SCNN1D: variants seen among roughly 807,000 people sequenced by gnomAD.
SCNN1D encodes the protein sodium channel epithelial 1 subunit delta, also known as epithelial sodium channel subunit delta.
In SCNN1D, 104 loss-of-function variants were observed where a neutral mutation model predicts 87.8. The observed-to-expected ratio is 1.18, with a 90% confidence interval of 1.01 to 1.39. The LOEUF is 1.39. SCNN1D is among the 40% of genes most tolerant of loss of function. SCNN1D has a pLI of 0.00. For synonymous variants in SCNN1D, 628 were observed against 481.2 expected (o/e 1.31, Z -3.99); for missense variants, 1,324 against 1,093.9 (o/e 1.21, Z -2.97).
chr1:1,290,232 G>A (rs1570866), intron 12 of SCNN1D, 39 bp from the exon 13 acceptor site: 70,145 of 1,205,490 alleles, frequency 0.058, 7,019 homozygotes, highest in African/African-American at 0.17. Flanking sequence ...CCATGTCTCC[G>A]CTCCATCCCA....
intron 6 of SCNN1D, 62 bp from the exon 7 acceptor site, chr1:1,285,864 C>T: frequency 2.1e-6 from 3 of 1,458,382 alleles, no homozygotes; most frequent in Non-Finnish European, 2.8e-6. Context: ...ACATGACAGG[C>T]CCAGGGTAGG....
In SCNN1D at chr1:1,291,861, C is replaced by A; in HGVS notation, c.*251C>A. 2.4e-6 allele frequency: 1 copy of A among 421,188 alleles called. No homozygotes were observed. The highest frequency in any genetic ancestry group is 4.0e-5 in the Admixed American group (1 of 25,274). The allele number at this position is 421,188 out of a possible 1,614,324, so 26.1% of individuals were successfully genotyped here. A position where few individuals can be genotyped will look rare whatever the true frequency, so the allele number is the denominator to read the frequency against. On this transcript the variant is annotated 3_prime_UTR_variant, in exon 18 of 18. Coordinates refer to ENST00000379116, the MANE Select transcript of SCNN1D (RefSeq NM_001130413.4). ...ACGAGTGCGGCTGGACGTGCCGACA[C>A]GCGGTGATGTACCCATGCTCCGTGT... is the stretch of plus-strand genomic sequence containing the variant.
intron 4 of SCNN1D, among the ~76,000 whole-genome samples, chr1:1,282,899 C>T (rs1050888190): frequency 2.0e-5 from 3 of 152,100 alleles, no homozygotes; most frequent in African/African-American, 7.2e-5. Flanking sequence ...ACTACAGGTG[C>T]CTGCCACCGC....
At chr1:1,280,854 C>G in intron 1 of SCNN1D, 188 bp downstream of exon 1, 1 of 594,130 alleles carries the variant, frequency 1.7e-6, no homozygotes. Flanking sequence ...CGGCCAGACC[C>G]CAAGCTCCAC....
chr1:1,286,531 G>T (rs1640595602), intron 7 of SCNN1D, among the ~76,000 whole-genome samples: 1 of 152,142 alleles, frequency 6.6e-6, no homozygotes, highest in Non-Finnish European at 1.5e-5. Flanking sequence ...GGGAGGAGAG[G>T]TGGGGGTGGG....
In SCNN1D at chr1:1,281,593, TACAG is replaced by T; in HGVS notation, c.261_264del (p.Ile87MetfsTer48). 2 of 1,535,640 alleles carry T rather than the reference TACAG, an allele frequency of 1.3e-6. No individual in the cohort carries two copies. Among genetic ancestry groups the T allele is most frequent in the Non-Finnish European group, 1.7e-6 (2 of 1,146,706 alleles). On this transcript the variant is annotated frameshift_variant, in exon 3 of 18. Transcript: ENST00000379116. LOFTEE classifies it high-confidence loss of function. Reference sequence around the variant, plus strand: ...CCCCTCTGCCTACTCTCTGGCCCGATACAGGGGTGTGGGACAGGTGACTGAACCT... The same window carrying T: ...CCCCTCTGCCTACTCTCTGGCCCGATGGGTGTGGGACAGGTGACTGAACCT...
intron 12 of SCNN1D, among the ~76,000 whole-genome samples, chr1:1,288,519 C>CT (rs2100337674): frequency 1.1e-5 from 1 of 94,142 alleles, no homozygotes; most frequent in African/African-American, 5.3e-5. Flanking sequence ...CGTCCCGTGT[C>CT]CCTGCTCCGT....
In SCNN1D at chr1:1,286,281, G is replaced by A; in HGVS notation, c.911+3G>A. 1 of 1,573,564 alleles carries A rather than the reference G, an allele frequency of 6.4e-7. No homozygotes were observed. Among genetic ancestry groups the A allele is most frequent in the South Asian group, 1.1e-5 (1 of 88,122 alleles). On this transcript the variant is annotated splice_donor_region_variant and intron_variant, in intron 7 of 17. Transcript: ENST00000379116. ...CTGTGTGACGGGAACCCACGTCGGT[G>A]AGGGCCAGGGCTGTCGGCGGGAGGG...
At chr1:1,288,209 C>CTCTGCCCCGTCCCGTG (rs1557584086) in intron 12 of SCNN1D, among the ~76,000 whole-genome samples, 172 bp downstream of exon 12, 5 of 146,474 alleles carry the variant, frequency 3.4e-5, no homozygotes, top group African/African-American at 1.0e-4. Context: ...TTCCCTGTGT[C>CTCTGCCCCGTCCCGTG]TCTGCTCCGT....
At position 1,284,003 on chromosome 1, in the gene SCNN1D, A is replaced by C. The variant is rs1424604891; in HGVS notation, c.377A>C (p.Gln126Pro). The C allele has an allele frequency of 1.4e-6, 2 of 1,442,050 alleles. No individual in the cohort carries two copies. The highest frequency in any genetic ancestry group is 2.9e-5 in the South Asian group (2 of 68,526). 89.3% of individuals were successfully genotyped at this position (1,442,050 alleles called of 1,614,324 possible). A position where few individuals can be genotyped will look rare whatever the true frequency, so the allele number is the denominator to read the frequency against. ...GAGGCCAGAGGCTCCATCCTGCTTC[A>C]GAGCTGCCAGCTGCCCCCGCAATGG... ...RQEARGSILL[Q>P]SCQLPPQWLS... The change falls in exon 5 of 18, where the codon CAG becomes CCG. Residue 126 changes from glutamine to proline, a missense_variant. By Grantham distance (76) the Gln-to-Pro change is moderately conservative. Transcript: ENST00000379116.
In SCNN1D at chr1:1,291,510, G is replaced by C. The variant is rs769718492; in HGVS notation, c.2309G>C (p.Gly770Ala). The change falls in exon 18 of 18, where the codon GGG becomes GCG. Residue 770 changes from glycine (G) to alanine (A), a missense_variant. Transcript: ENST00000379116. ...GGTSDDPEPS[G>A]PHLPRVMLPG... is the part of the protein sequence containing the mutation. ...ACGTCAGATGACCCGGAGCCCAGCG[G>C]GCCTCATCTCCCACGGGTGATGCTT... 14 of 1,608,532 alleles carry C rather than the reference G, an allele frequency of 8.7e-6. No homozygotes were observed. In the East Asian group the frequency reaches 2.9e-4, roughly 33 times the overall value.
chr1:1,287,450 C>A, intron 9 of SCNN1D, 58 bp from the exon 10 acceptor site: 1 of 1,493,008 alleles, frequency 6.7e-7, no homozygotes, highest in Non-Finnish European at 9.0e-7. Flanking sequence ...CCCCTCAGGC[C>A]AGCGTGACGG....
chr1:1,281,498 G>T lies in SCNN1D; in HGVS notation c.165G>T (p.Ala55=), dbSNP rs998792456. The T allele has an allele frequency of 6.5e-7, 1 of 1,532,422 alleles. No individual in the cohort carries two copies. Among genetic ancestry groups the T allele is most frequent in the East Asian group, 2.4e-5 (1 of 40,908 alleles). The allele number at this position is 1,532,422 out of a possible 1,614,324, so 94.9% of individuals were successfully genotyped here. The change falls in exon 3 of 18, where the codon GCG becomes GCT. Residue 55 remains alanine (A), a synonymous_variant. Transcript: ENST00000379116. ...ACCCCACCCCCTGCACCGGGCCAGC[G>T]AGGGGATGGCCCAGAAGAGGGGGAG... is the stretch of plus-strand genomic sequence containing the variant. ...SPHPTPCTGP[A]RGWPRRGGGP...
rs1045098606 is a variant in SCNN1D at position 1,282,037 on chromosome 1, G to C, written c.278-205G>C. 6 of 599,938 alleles carry C rather than the reference G, an allele frequency of 1.0e-5. No homozygotes were observed. In the African/African-American group the frequency reaches 1.1e-4, roughly 11 times the overall value. The allele number at this position is 599,938 out of a possible 1,614,324, so 37.2% of individuals were successfully genotyped here. Reference sequence around the variant, plus strand: ...TGCGGCCCACGCACAAAGCTGCCCAGATGTGGTGGGGGAGAAGCCCCAGGC... The same window carrying C: ...TGCGGCCCACGCACAAAGCTGCCCACATGTGGTGGGGGAGAAGCCCCAGGC... On this transcript the variant is annotated intron_variant, in intron 3 of 17. Coordinates refer to ENST00000379116, the MANE Select transcript of SCNN1D (RefSeq NM_001130413.4).
Position 1,291,268 on chromosome 1 carries a change from C to G in SCNN1D, c.2067C>G (p.Leu689=). 1 of 1,561,854 alleles carries G rather than the reference C, an allele frequency of 6.4e-7. No individual in the cohort carries two copies. The highest frequency in any genetic ancestry group is 2.3e-5 in the East Asian group (1 of 43,424). Residue 689 remains leucine, a synonymous_variant, in exon 18 of 18, where the codon CTC becomes CTG. Coordinates refer to ENST00000379116, the MANE Select transcript of SCNN1D (RefSeq NM_001130413.4). ...CCCACCCGCAGGTGCCGCAGCTGCTCTCGGCCATGGGCAGCCTCTGCAGCC... is the reference window on the plus strand; with the variant it reads ...CCCACCCGCAGGTGCCGCAGCTGCTGTCGGCCATGGGCAGCCTCTGCAGCC... ...EAPVYSVPQL[L]SAMGSLCSLW...
chr1:1,281,554 T>C lies in SCNN1D; in HGVS notation c.221T>C (p.Val74Ala), dbSNP rs1640471847. The C allele has an allele frequency of 5.2e-6, 8 of 1,535,682 alleles. No homozygotes were observed. Among genetic ancestry groups the C allele is most frequent in the Non-Finnish European group, 7.0e-6 (8 of 1,146,796 alleles). Residue 74 changes from valine to alanine, a missense_variant, in exon 3 of 18, where the codon GTG (valine) becomes GCG (alanine). Physicochemically the swap from Val to Ala is moderately conservative, Grantham distance 64 (BLOSUM62 0). Coordinates refer to ENST00000379116, the MANE Select transcript of SCNN1D (RefSeq NM_001130413.4). Reference protein sequence around the residue: ...GPCGFTSAGHVLCGYPLCLLS... With the variant: ...GPCGFTSAGHALCGYPLCLLS... ...TGTGGATTCACCAGTGCTGGACATG[T>C]GCTCTGTGGCTACCCCCTCTGCCTA... is the stretch of plus-strand genomic sequence containing the variant.
Position 1,281,552 on chromosome 1 carries a change from T to C in SCNN1D, c.219T>C (p.His73=), listed in dbSNP as rs751827259. The C allele has an allele frequency of 1.0e-5, 16 of 1,535,676 alleles. No individual in the cohort carries two copies. The South Asian group carries it at 1.8e-4, about 17-fold the overall frequency. Residue 73 remains histidine, a synonymous_variant, in exon 3 of 18, where the codon CAT becomes CAC. Coordinates refer to ENST00000379116, the MANE Select transcript of SCNN1D (RefSeq NM_001130413.4). The part of the protein sequence containing the change: ...GGPCGFTSAG[H]VLCGYPLCLL... ...CATGTGGATTCACCAGTGCTGGACA[T>C]GTGCTCTGTGGCTACCCCCTCTGCC...
In SCNN1D at chr1:1,287,490, C is replaced by G; in HGVS notation, c.1311-18C>G. 6.6e-7 allele frequency: 1 copy of G among 1,517,756 alleles called. No individual in the cohort carries two copies. Among genetic ancestry groups the G allele is most frequent in the Non-Finnish European group, 8.8e-7 (1 of 1,131,434 alleles). 94.0% of individuals were successfully genotyped at this position (1,517,756 alleles called of 1,614,324 possible). A position where few individuals can be genotyped will look rare whatever the true frequency, so the allele number is the denominator to read the frequency against. ...GGGCAGCCGACATTCAAGGTCTGAG[C>G]TTGGCTTCTCATTCCAGACAGTTCC... is the stretch of plus-strand genomic sequence containing the variant. On this transcript the variant is annotated intron_variant, in intron 9 of 17. Coordinates refer to ENST00000379116, the MANE Select transcript of SCNN1D (RefSeq NM_001130413.4).
At chr1:1,286,584 G>A (rs908364522) in intron 7 of SCNN1D, among the ~76,000 whole-genome samples, 184 bp from the exon 8 acceptor site, 15 of 152,226 alleles carry the variant, frequency 9.9e-5, no homozygotes, top group African/African-American at 2.9e-4. Context: ...GGCTGCGAGC[G>A]GGCTGGGCTC....
Sources: gnomAD v4.1 joint callset for allele counts (sites outside exome capture counted in the v4.1 genomes callset) on GRCh38, gnomAD v4.1.1 for gene constraint, MANE v1.5 for transcripts, NCBI Gene and HGNC (gene_info 2026-07-23, HGNC 2026-07-21) for gene names.